The following XRN2 variants were observed in gnomAD, a reference collection of about 807,000 sequenced individuals.
XRN2 encodes DHM1-like protein.
XRN2 carries 44 observed loss-of-function variants against 138.5 expected under a neutral mutation model. The ratio of observed to expected loss-of-function variants is 0.32; its 90% CI spans 0.25 to 0.41. The LOEUF is 0.41. Among genes scored for constraint, XRN2 ranks in the 10% least tolerant of loss-of-function variants. The pLI is 1.00. For missense variants in XRN2, 937 were observed against 1,169.3 expected (o/e 0.80, Z 2.90); for synonymous variants, 354 against 369.4 (o/e 0.96, Z 0.48).
At chr20:21,386,031 T>TTAGA (rs764930115) in intron 28 of XRN2, among the ~76,000 whole-genome samples, 1 of 152,232 alleles carries the variant, frequency 6.6e-6, no homozygotes, top group African/African-American at 2.4e-5. Flanking sequence ...GTGATTGCCT[T>TTAGA]TAGAAGGTAT....
intron 27 of XRN2, among the ~76,000 whole-genome samples, chr20:21,375,942 C>T (rs1009939114): frequency 1.3e-5 from 2 of 151,786 alleles, no homozygotes; most frequent in Non-Finnish European, 2.9e-5. Context: ...GGGTTCATGC[C>T]ATTCTCCTGC....
intron 16 of XRN2, among the ~76,000 whole-genome samples, chr20:21,345,036 C>T (rs1230298695): frequency 6.6e-6 from 1 of 152,204 alleles, no homozygotes. Flanking sequence ...TTGCAAGGGT[C>T]ACGTGTGGTT....
intron 24 of XRN2, among the ~76,000 whole-genome samples, chr20:21,361,740 T>C (rs4497932): frequency 0.68 from 103,204 of 152,098 alleles, 35,745 homozygotes; most frequent in South Asian, 0.83. Flanking sequence ...AGTTACCTTT[T>C]TGAGTCTTTG....
intron 1 of XRN2, among the ~76,000 whole-genome samples, chr20:21,313,635 T>C (rs1414189871): frequency 6.6e-6 from 1 of 152,236 alleles, no homozygotes; most frequent in Non-Finnish European, 1.5e-5. Context: ...TAATGTTTAG[T>C]AGTTTATGTG....
intron 25 of XRN2, 25 bp from the exon 26 acceptor site, chr20:21,365,548 A>G (rs749650659): frequency 1.2e-6 from 2 of 1,613,382 alleles, no homozygotes; most frequent in African/African-American, 1.3e-5. Flanking sequence ...CCCTATTACT[A>G]AGTGTTGTCT....
chr20:21,331,846 T>C (rs1418463883), intron 8 of XRN2, 28 bp downstream of exon 8: 2 of 1,610,020 alleles, frequency 1.2e-6, no homozygotes, highest in Non-Finnish European at 1.7e-6. Context: ...GATTTGCTTC[T>C]TTTGGATTAA....
chr20:21,352,448 T>C (rs482867), intron 20 of XRN2, among the ~76,000 whole-genome samples: 139,937 of 152,034 alleles, frequency 0.92, 64,530 homozygotes, highest in Non-Finnish European at 0.95. Flanking sequence ...CCTGCCTCAG[T>C]CTCCTGAGTA....
intron 1 of XRN2, among the ~76,000 whole-genome samples, chr20:21,321,311 G>C (rs2038040172): frequency 7.9e-6 from 1 of 126,644 alleles, no homozygotes; most frequent in Non-Finnish European, 1.8e-5. Flanking sequence ...CTGTGTGTGT[G>C]TGTGTGTGTG....
chr20:21,388,098 A>G (rs913886603), intron 29 of XRN2, among the ~76,000 whole-genome samples: 1 of 152,206 alleles, frequency 6.6e-6, no homozygotes, highest in African/African-American at 2.4e-5. Flanking sequence ...AGTGATGAGC[A>G]TTTTTGAAGT....
In XRN2 at chr20:21,303,347, CT is replaced by C. The variant is rs1274331461; in HGVS notation, c.-49del. Reference sequence around the variant, plus strand: ...GTGCCCTCTGCCGCTGCTCCCGTCTCTTTGGTTACGCTCGTCAGCCGGTCGG... The same window carrying C: ...GTGCCCTCTGCCGCTGCTCCCGTCTCTTGGTTACGCTCGTCAGCCGGTCGG... On this transcript the variant is annotated 5_prime_UTR_variant, in exon 1 of 30. Coordinates refer to ENST00000377191, the MANE Select transcript of XRN2 (RefSeq NM_012255.5). The C allele has an allele frequency of 9.8e-6, 15 of 1,538,184 alleles. No individual in the cohort carries two copies. Among genetic ancestry groups the C allele is most frequent in the Non-Finnish European group, 9.6e-6 (11 of 1,141,924 alleles).
At chr20:21,315,964 A>C (rs1432463810) in intron 1 of XRN2, among the ~76,000 whole-genome samples, 2 of 152,208 alleles carry the variant, frequency 1.3e-5, no homozygotes, top group East Asian at 3.8e-4. Flanking sequence ...TAAAAGTTTA[A>C]AATTTTGTCC....
At chr20:21,342,223 T>C (rs1390274190) in intron 15 of XRN2, among the ~76,000 whole-genome samples, 2 of 152,188 alleles carry the variant, frequency 1.3e-5, no homozygotes, top group Non-Finnish European at 2.9e-5. Flanking sequence ...TCTGAGCTGT[T>C]GGGTTGTAGT....
At chr20:21,334,689 A>G (rs2038261405) in intron 13 of XRN2, among the ~76,000 whole-genome samples, 1 of 152,198 alleles carries the variant, frequency 6.6e-6, no homozygotes, top group Non-Finnish European at 1.5e-5. Context: ...TTGAAAATTG[A>G]TTGCATATTA....
rs529595534 is a variant in XRN2, at chr20:21,332,542, A to G, written c.858+102A>G. The G allele has an allele frequency of 1.2e-5, 13 of 1,095,260 alleles. No homozygotes were observed. The South Asian group carries it at 2.2e-4, about 18-fold the overall frequency. 67.8% of individuals were successfully genotyped at this position (1,095,260 alleles called of 1,614,324 possible). On this transcript the variant is annotated intron_variant, in intron 9 of 29. Transcript: ENST00000377191. ...CATTTCAACCATTTTAAAGTATACA[A>G]TTAAATAGCATTAAATATTTGAGTT... is the stretch of plus-strand genomic sequence containing the variant.
intron 16 of XRN2, among the ~76,000 whole-genome samples, chr20:21,344,713 C>T (rs1019425660): frequency 3.3e-5 from 5 of 152,114 alleles, no homozygotes; most frequent in East Asian, 1.9e-4. Flanking sequence ...CTTGCATATG[C>T]GCAATTATAT....
chr20:21,308,612 T>C (rs528922845), intron 1 of XRN2, among the ~76,000 whole-genome samples: 2 of 152,366 alleles, frequency 1.3e-5, no homozygotes, highest in South Asian at 4.1e-4. Context: ...TTATTTGCTT[T>C]CTGTATATCA....
chr20:21,333,591 C>T lies in XRN2; in HGVS notation c.906C>T (p.Ile302=), dbSNP rs760333582. The T allele has an allele frequency of 2.2e-5, 35 of 1,613,632 alleles. No homozygotes were observed. The highest frequency in any genetic ancestry group is 2.7e-5 in the Non-Finnish European group (32 of 1,179,680). The change falls in exon 10 of 30, where the codon ATC becomes ATT. Residue 302 remains isoleucine, a synonymous_variant. Transcript: ENST00000377191. The part of the protein sequence containing the change: ...DSLPCAEGEF[I]FLRLNVLREY... ...TTCCTTGTGCAGAAGGAGAGTTTAT[C>T]TTCCTTCGGCTTAATGTTCTTCGTG...
chr20:21,373,133 C>G (rs2122331802), intron 27 of XRN2, among the ~76,000 whole-genome samples: 1 of 152,262 alleles, frequency 6.6e-6, no homozygotes, highest in African/African-American at 2.4e-5. Context: ...CCTCAGCCTC[C>G]TGTGTAGCTG....
chr20:21,359,737 G>T (rs980051458), intron 24 of XRN2, among the ~76,000 whole-genome samples: 1 of 152,040 alleles, frequency 6.6e-6, no homozygotes, highest in Non-Finnish European at 1.5e-5. Flanking sequence ...TTTTACAGCA[G>T]GTTTTTGCAT....
Sources: gnomAD v4.1 joint callset for allele counts (sites outside exome capture counted in the v4.1 genomes callset) on GRCh38, gnomAD v4.1.1 for gene constraint, MANE v1.5 for transcripts, NCBI Gene and HGNC (gene_info 2026-07-23, HGNC 2026-07-21) for gene names.